Variants in IL2RA observed in about 807,000 individuals in gnomAD.
IL2RA encodes interleukin 2 receptor subunit alpha.
Under a neutral mutation model 37.8 loss-of-function variants are expected in IL2RA, and 24 were observed. The observed-to-expected ratio is 0.63, with a 90% CI of 0.46 to 0.89. IL2RA has a LOEUF of 0.89. Ranked by LOEUF, IL2RA falls within the 40% of genes least tolerant of loss-of-function variation. The pLI is 0.00. For missense variants in IL2RA, 319 were observed against 348.6 expected (o/e 0.92, Z 0.68); for synonymous variants, 125 against 114.6 (o/e 1.09, Z -0.58).
At chr10:6,045,485 A>T (rs1374782674) in intron 1 of IL2RA, among the ~76,000 whole-genome samples, 4 of 152,128 alleles carry the variant, frequency 2.6e-5, no homozygotes, top group African/African-American at 9.7e-5. Context: ...GTTATGTTCT[A>T]ATCCTGGGAG....
chr10:6,016,425 A>G (rs1210002942), intron 7 of IL2RA, among the ~76,000 whole-genome samples: 1 of 152,244 alleles, frequency 6.6e-6, no homozygotes, highest in African/African-American at 2.4e-5. Context: ...ATTCTGTTAC[A>G]GTAGCACAAA....
chr10:6,057,934 T>A lies in IL2RA; in HGVS notation c.64+4154A>T, dbSNP rs1840071437. Among the ~76,000 whole-genome samples, 1 of 152,194 alleles carries A rather than the reference T, an allele frequency of 6.6e-6. No homozygotes were observed. On this transcript the variant is annotated intron_variant, in intron 1 of 7. Coordinates refer to ENST00000379959, the MANE Select transcript of IL2RA (RefSeq NM_000417.3). This position sits in a 1 kb window ranked among gnomAD's most constrained non-coding sequence, Gnocchi z 4.8. ...TGAGGTCAGGAGTTCGAGACCAGCC[T>A]GGCCAACTTGGTGAAACCCCGTCTC...
rs1839631733 is a variant in IL2RA at position 6,033,341 on chromosome 10, G to GAAAGTATT, written c.65-7324_65-7317dup. On this transcript the variant is annotated intron_variant, in intron 1 of 7. Transcript: ENST00000379959. The surrounding 1 kb of genome is among the most constrained non-coding windows in gnomAD (Gnocchi z 4.3). The stretch of plus-strand genomic sequence containing the variant: ...CAACAACAAAAAAAAAACAAAAAAA[G>GAAAGTATT]AAAGTATTTTTATTGACGTTAAATA... Among the ~76,000 whole-genome samples, 1 of 151,698 alleles carries GAAAGTATT rather than the reference G, an allele frequency of 6.6e-6. No homozygotes were observed. The highest frequency in any genetic ancestry group is 1.5e-5 in the Non-Finnish European group (1 of 67,892).
At chr10:6,039,907 T>G (rs1452871597) in intron 1 of IL2RA, among the ~76,000 whole-genome samples, 1 of 152,186 alleles carries the variant, frequency 6.6e-6, no homozygotes, top group Admixed American at 6.5e-5. Context: ...GGCAACAGAA[T>G]GAAGGCTGCT....
At position 6,020,690 on chromosome 10, in the gene IL2RA, G is replaced by A. The variant is rs370652539; in HGVS notation, c.584-749C>T. On this transcript the variant is annotated intron_variant, in intron 4 of 7. Transcript: ENST00000379959. The surrounding 1 kb of genome is among the most constrained non-coding windows in gnomAD (Gnocchi z 5.6). ...TGGGATTACAGGCACCCACCACCACGCCCAGATAATTTTTGTATTTTTAGT... is the reference window on the plus strand; with the variant it reads ...TGGGATTACAGGCACCCACCACCACACCCAGATAATTTTTGTATTTTTAGT... Among the ~76,000 whole-genome samples, 27 of 152,050 alleles carry A rather than the reference G, an allele frequency of 1.8e-4. No homozygotes were observed. The highest frequency in any genetic ancestry group is 5.3e-4 in the African/African-American group (22 of 41,488).
intron 7 of IL2RA, among the ~76,000 whole-genome samples, chr10:6,013,834 T>TA (rs1203367256): frequency 1.4e-5 from 2 of 146,648 alleles, no homozygotes; most frequent in Non-Finnish European, 3.0e-5. Context: ...ATATTTTAAT[T>TA]TTTTTTTTTT....
At chr10:6,061,617 C>G (rs577786475) in intron 1 of IL2RA, among the ~76,000 whole-genome samples, 4 of 152,116 alleles carry the variant, frequency 2.6e-5, no homozygotes, top group South Asian at 4.1e-4. Context: ...TGAAGCTAAA[C>G]TTTTCTGAGA....
rs1441858746 is a variant in IL2RA, at chr10:6,025,611, G to A, written c.256+223C>T. On this transcript the variant is annotated intron_variant, in intron 2 of 7. Coordinates refer to ENST00000379959, the MANE Select transcript of IL2RA (RefSeq NM_000417.3). The surrounding 1 kb of genome is among the most constrained non-coding windows in gnomAD (Gnocchi z 4.4). Reference sequence around the variant, plus strand: ...GCGGAAGTTGCAGTGAGCCGAGATCGCGTGCCATTGCACTCCAGCCTAGGC... The same window carrying A: ...GCGGAAGTTGCAGTGAGCCGAGATCACGTGCCATTGCACTCCAGCCTAGGC... 1.3e-5 allele frequency among the ~76,000 whole-genome samples: 2 copies of A among 151,856 alleles called. No individual in the cohort carries two copies. Among genetic ancestry groups the A allele is most frequent in the Admixed American group, 6.6e-5 (1 of 15,240 alleles).
intron 7 of IL2RA, among the ~76,000 whole-genome samples, chr10:6,016,680 C>A (rs1301094986): frequency 6.6e-6 from 1 of 151,916 alleles, no homozygotes; most frequent in Non-Finnish European, 1.5e-5. Flanking sequence ...TCAAGTGATT[C>A]TCCTGTCTCA....
chr10:6,012,703 T>C lies in IL2RA; in HGVS notation c.*169A>G. 2 of 711,390 alleles carry C rather than the reference T, an allele frequency of 2.8e-6. No individual in the cohort carries two copies. Among genetic ancestry groups the C allele is most frequent in the Non-Finnish European group, 5.1e-6 (2 of 389,688 alleles). The allele number at this position is 711,390 out of a possible 1,614,324, so 44.1% of individuals were successfully genotyped here. ...GGACTGAGCTGGCATAGAGACAAGG[T>C]TGCCACTGCCCCGTGTCCTGTGATG... On this transcript the variant is annotated 3_prime_UTR_variant, in exon 8 of 8. Transcript: ENST00000379959. The surrounding 1 kb of genome is among the most constrained non-coding windows in gnomAD (Gnocchi z 4.8).
At chr10:6,051,231 T>C (rs1261559891) in intron 1 of IL2RA, among the ~76,000 whole-genome samples, 1 of 152,092 alleles carries the variant, frequency 6.6e-6, no homozygotes, top group African/African-American at 2.4e-5. Flanking sequence ...CCTGGTTTCA[T>C]TGTCGGGGAA....
chr10:6,027,042 C>G (rs926027547), intron 1 of IL2RA, among the ~76,000 whole-genome samples: 1 of 152,204 alleles, frequency 6.6e-6, no homozygotes, highest in Non-Finnish European at 1.5e-5. Flanking sequence ...GGTAGGGAGG[C>G]TGGGTGCAAT....
At position 6,033,687 on chromosome 10, in the gene IL2RA, C is replaced by T. The variant is rs941493077; in HGVS notation, c.65-7662G>A. 7.2e-5 allele frequency among the ~76,000 whole-genome samples: 11 copies of T among 152,080 alleles called. No homozygotes were observed. The highest frequency in any genetic ancestry group is 2.2e-4 in the African/African-American group (9 of 41,412). On this transcript the variant is annotated intron_variant, in intron 1 of 7. Transcript: ENST00000379959. The surrounding 1 kb of genome is among the most constrained non-coding windows in gnomAD (Gnocchi z 4.3). ...TATGTTGAACAAAATAAGCTAAACA[C>T]GAAATAGTGCATACACTTTGCTTTC...
Position 6,035,501 on chromosome 10 carries a change from C to T in IL2RA, c.65-9476G>A, listed in dbSNP as rs897403279. Among the ~76,000 whole-genome samples the T allele has an allele frequency of 2.0e-5, 3 of 152,128 alleles. No homozygotes were observed. Among genetic ancestry groups the T allele is most frequent in the African/African-American group, 2.4e-5 (1 of 41,416 alleles). Reference sequence around the variant, plus strand: ...CTCCCTTTGTTCCTGAGTGGTGGGCCGCACATGAGGCTCTGAGCAGGCTAT... The same window carrying T: ...CTCCCTTTGTTCCTGAGTGGTGGGCTGCACATGAGGCTCTGAGCAGGCTAT... On this transcript the variant is annotated intron_variant, in intron 1 of 7. Transcript: ENST00000379959. The surrounding 1 kb of genome is among the most constrained non-coding windows in gnomAD (Gnocchi z 5.4).
intron 1 of IL2RA, among the ~76,000 whole-genome samples, chr10:6,027,277 G>C (rs1020552883): frequency 2.6e-5 from 4 of 151,540 alleles, no homozygotes; most frequent in Non-Finnish European, 5.9e-5. Flanking sequence ...AGTGGGCCGA[G>C]ATCACGCCAC....
chr10:6,014,655 C>A lies in IL2RA; in HGVS notation c.795-1759G>T, dbSNP rs1839247685. Among the ~76,000 whole-genome samples, 1 of 152,170 alleles carries A rather than the reference C, an allele frequency of 6.6e-6. No individual in the cohort carries two copies. Among genetic ancestry groups the A allele is most frequent in the African/African-American group, 2.4e-5 (1 of 41,424 alleles). ...GGAGAGGATGCAAGTACTGAGTACA[C>A]GTACAACATGTCAGCCACGTCACAT... On this transcript the variant is annotated intron_variant, in intron 7 of 7. Transcript: ENST00000379959. This position sits in a 1 kb window ranked among gnomAD's most constrained non-coding sequence, Gnocchi z 4.4.
Position 6,046,145 on chromosome 10 carries a change from C to A in IL2RA, c.64+15943G>T, listed in dbSNP as rs1839853316. Among the ~76,000 whole-genome samples the A allele has an allele frequency of 6.6e-6, 1 of 152,202 alleles. No homozygotes were observed. The highest frequency in any genetic ancestry group is 6.5e-5 in the Admixed American group (1 of 15,280). ...CCTCTTGTACCCCTTTTCCTTCCTGCTCTCAAGAATTCACACTCCGTTTTA... is the reference window on the plus strand; with the variant it reads ...CCTCTTGTACCCCTTTTCCTTCCTGATCTCAAGAATTCACACTCCGTTTTA... On this transcript the variant is annotated intron_variant, in intron 1 of 7. Coordinates refer to ENST00000379959, the MANE Select transcript of IL2RA (RefSeq NM_000417.3). This position sits in a 1 kb window ranked among gnomAD's most constrained non-coding sequence, Gnocchi z 4.8.
chr10:6,057,365 C>A lies in IL2RA; in HGVS notation c.64+4723G>T, dbSNP rs1840061358. On this transcript the variant is annotated intron_variant, in intron 1 of 7. Transcript: ENST00000379959. The surrounding 1 kb of genome is among the most constrained non-coding windows in gnomAD (Gnocchi z 4.8). ...GACATCAGGCTTGGGTGCATTGATACACAAAAGTCGCTCAACCCTGACCGT... is the reference window on the plus strand; with the variant it reads ...GACATCAGGCTTGGGTGCATTGATAAACAAAAGTCGCTCAACCCTGACCGT... Among the ~76,000 whole-genome samples, 1 of 152,290 alleles carries A rather than the reference C, an allele frequency of 6.6e-6. No homozygotes were observed. The highest frequency in any genetic ancestry group is 1.5e-5 in the Non-Finnish European group (1 of 68,022).
Position 6,018,053 on chromosome 10 carries a change from T to C in IL2RA, c.794A>G (p.Gln265Arg). Residue 265 changes from glutamine (Q) to arginine (R), a missense_variant and splice_region_variant, in exon 7 of 8, where the codon CAG (glutamine) becomes CGG (arginine). Physicochemically the swap from Gln to Arg is conservative, Grantham distance 43. Coordinates refer to ENST00000379959, the MANE Select transcript of IL2RA (RefSeq NM_000417.3). The surrounding 1 kb of genome is among the most constrained non-coding windows in gnomAD (Gnocchi z 5.1). Reference sequence around the variant, plus strand: ...GCTGCCTTGGTGATGCCACACTTACTGTCTCCGCTGCCAGGTGAGCCCACT... The same window carrying C: ...GCTGCCTTGGTGATGCCACACTTACCGTCTCCGCTGCCAGGTGAGCCCACT... ...LLSGLTWQRRQRKSRRTI is the reference protein window; with the variant it reads ...LLSGLTWQRRRRKSRRTI 1 of 1,613,626 alleles carries C rather than the reference T, an allele frequency of 6.2e-7. No homozygotes were observed.
Sources: allele counts gnomAD v4.1 joint callset (sites outside exome capture counted in the v4.1 genomes callset), GRCh38; gene constraint gnomAD v4.1.1; non-coding constraint Gnocchi (gnomAD v3.1); transcripts MANE v1.5; gene names NCBI Gene and HGNC (gene_info 2026-07-23, HGNC 2026-07-21).